The following WDR25 variants were observed in gnomAD, a reference collection of about 807,000 sequenced individuals.
WDR25 encodes WD repeat-containing protein 25.
In WDR25, 35 loss-of-function variants were observed where a neutral mutation model predicts 47.7. The observed-to-expected ratio is 0.73, with a 90% confidence interval of 0.56 to 0.97. WDR25 has a LOEUF of 0.97. Ranked by LOEUF, WDR25 falls within the 50% of genes least tolerant of loss-of-function variation. The pLI, the probability that WDR25 is intolerant of heterozygous loss-of-function variation, is 0.00. For synonymous variants in WDR25, 248 were observed against 278.9 expected, an observed-to-expected ratio of 0.89 and a Z score of 1.10; for missense variants, 634 against 704.7, an observed-to-expected ratio of 0.90 and a Z score of 1.14.
chr14:100,390,434 C>G (rs1897119201), intron 2 of WDR25, among the ~76,000 whole-genome samples: 1 of 126,176 alleles, frequency 7.9e-6, no homozygotes, highest in Non-Finnish European at 1.8e-5. Context: ...TGTGCATGCA[C>G]ACGCCCTTGT....
At chr14:100,459,649 A>G (rs2140280594) in intron 2 of WDR25, among the ~76,000 whole-genome samples, 1 of 151,810 alleles carries the variant, frequency 6.6e-6, no homozygotes, top group Non-Finnish European at 1.5e-5. Flanking sequence ...TCCCCTTTCT[A>G]TAAGGGAGAA....
rs1247944161 is a variant in WDR25 at position 100,449,320 on chromosome 14, G to A, written c.823-18701G>A. On this transcript the variant is annotated intron_variant, in intron 2 of 6. Transcript: ENST00000402312. This position sits in a 1 kb window ranked among gnomAD's most constrained non-coding sequence, Gnocchi z 4.2. ...GTGGCTTCGATAATGGTATGGGCCTGTTGGAGCCTGGCTACAGGGCTGCCC... is the reference window on the plus strand; with the variant it reads ...GTGGCTTCGATAATGGTATGGGCCTATTGGAGCCTGGCTACAGGGCTGCCC... Among the ~76,000 whole-genome samples the A allele has an allele frequency of 6.6e-6, 1 of 152,270 alleles. No homozygotes were observed. The highest frequency in any genetic ancestry group is 1.5e-5 in the Non-Finnish European group (1 of 68,046).
intron 2 of WDR25, among the ~76,000 whole-genome samples, chr14:100,420,992 A>T (rs1898010037): frequency 1.3e-5 from 2 of 152,032 alleles, no homozygotes; most frequent in Non-Finnish European, 2.9e-5. Flanking sequence ...GAGTCTTTTT[A>T]TTTCTGTCTG....
intron 1 of WDR25, among the ~76,000 whole-genome samples, chr14:100,377,354 C>G (rs982631151): frequency 4.6e-5 from 7 of 152,122 alleles, no homozygotes; most frequent in Non-Finnish European, 1.0e-4. Context: ...GGCTGGAGTG[C>G]AGTGGCGTGA....
chr14:100,475,716 A>C lies in WDR25; in HGVS notation c.970+7548A>C, dbSNP rs149385871. Among the ~76,000 whole-genome samples, 510 of 152,310 alleles carry C rather than the reference A, an allele frequency of 3.3e-3. 1 individual carries two copies. Among genetic ancestry groups the C allele is most frequent in the Non-Finnish European group, 5.1e-3 (347 of 68,032 alleles). ...GGAATAAGTTTTGGTGATCTATTGC[A>C]CTGCATGATGACCACAGTTAATAAT... On this transcript the variant is annotated intron_variant, in intron 3 of 6. Transcript: ENST00000402312.
At chr14:100,482,834 G>A (rs1490377548) in intron 3 of WDR25, among the ~76,000 whole-genome samples, 4 of 152,208 alleles carry the variant, frequency 2.6e-5, no homozygotes, top group Non-Finnish European at 5.9e-5. Flanking sequence ...CCAGCTTCCC[G>A]TGTCCCTAAG....
chr14:100,436,242 C>T (rs1330433233), intron 2 of WDR25, among the ~76,000 whole-genome samples: 1 of 152,114 alleles, frequency 6.6e-6, no homozygotes, highest in Admixed American at 6.5e-5. Context: ...AGAAGTGAAG[C>T]GCTTATGGAG....
intron 2 of WDR25, among the ~76,000 whole-genome samples, chr14:100,406,097 G>A (rs1202335225): frequency 6.6e-6 from 1 of 152,154 alleles, no homozygotes; most frequent in Non-Finnish European, 1.5e-5. Context: ...AGGCTTAGAG[G>A]CTTCAGAAGC....
chr14:100,457,525 T>G (rs797006074), intron 2 of WDR25, among the ~76,000 whole-genome samples: 6 of 152,356 alleles, frequency 3.9e-5, no homozygotes, highest in African/African-American at 1.4e-4. Flanking sequence ...ACCGAAGTGA[T>G]TTCGCCGTCA....
intron 2 of WDR25, among the ~76,000 whole-genome samples, chr14:100,417,301 G>T (rs1176746811): frequency 3.9e-5 from 6 of 152,278 alleles, no homozygotes; most frequent in Non-Finnish European, 8.8e-5. Flanking sequence ...GAGCTGCTTA[G>T]TAGGACACTT....
intron 2 of WDR25, 194 bp downstream of exon 2, chr14:100,381,940 C>T: frequency 1.6e-6 from 1 of 634,478 alleles, no homozygotes; most frequent in Non-Finnish European, 2.8e-6. Flanking sequence ...CAACCCTTCC[C>T]TGATGCTGCC....
At chr14:100,427,047 A>G (rs1347859746) in intron 2 of WDR25, among the ~76,000 whole-genome samples, 1 of 152,116 alleles carries the variant, frequency 6.6e-6, no homozygotes, top group South Asian at 2.1e-4. Context: ...AGCCCGGTCC[A>G]TCAATGTGTC....
chr14:100,459,277 G>A (rs1366050156), intron 2 of WDR25, among the ~76,000 whole-genome samples: 1 of 152,146 alleles, frequency 6.6e-6, no homozygotes, highest in African/African-American at 2.4e-5. Context: ...CAACTTAGAT[G>A]ATATGGAAGA....
At chr14:100,494,726 T>G (rs1237027841) in intron 4 of WDR25, among the ~76,000 whole-genome samples, 2 of 152,196 alleles carry the variant, frequency 1.3e-5, no homozygotes, top group Non-Finnish European at 2.9e-5. Flanking sequence ...CATAGAAGGC[T>G]AGAGGGGAAG....
chr14:100,472,920 C>T (rs1899892804), intron 3 of WDR25, among the ~76,000 whole-genome samples: 1 of 152,258 alleles, frequency 6.6e-6, no homozygotes, highest in South Asian at 2.1e-4. Context: ...TGCAGCTCTG[C>T]TGTCCCCAGC....
intron 2 of WDR25, among the ~76,000 whole-genome samples, chr14:100,467,789 A>G (rs576087912): frequency 6.6e-6 from 1 of 152,164 alleles, no homozygotes; most frequent in African/African-American, 2.4e-5. Flanking sequence ...CCCGTCCAGA[A>G]TGCAGTTTTC....
intron 2 of WDR25, among the ~76,000 whole-genome samples, chr14:100,434,210 A>G (rs1326173171): frequency 6.6e-6 from 1 of 152,190 alleles, no homozygotes; most frequent in Non-Finnish European, 1.5e-5. Context: ...ATACATGCAC[A>G]CATGCCTCTA....
At chr14:100,426,934 T>C (rs926113836) in intron 2 of WDR25, among the ~76,000 whole-genome samples, 1 of 152,170 alleles carries the variant, frequency 6.6e-6, no homozygotes, top group African/African-American at 2.4e-5. Flanking sequence ...GTTTCTCTAG[T>C]GGCAGCTAGT....
intron 2 of WDR25, among the ~76,000 whole-genome samples, chr14:100,444,798 G>A (rs1035208403): frequency 4.6e-5 from 7 of 152,240 alleles, no homozygotes; most frequent in Non-Finnish European, 5.9e-5. Flanking sequence ...GGTGTGTACC[G>A]ACACTGCGCT....
Sources: gnomAD v4.1 joint callset for allele counts (sites outside exome capture counted in the v4.1 genomes callset) on GRCh38, gnomAD v4.1.1 for gene constraint, Gnocchi (gnomAD v3.1) non-coding constraint, MANE v1.5 for transcripts, NCBI Gene and HGNC (gene_info 2026-07-23, HGNC 2026-07-21) for gene names.